Variants in XPC observed in about 807,000 individuals in gnomAD.
XPC encodes the protein DNA repair protein complementing XP-C cells.
In XPC, 76 loss-of-function variants were observed where a neutral mutation model predicts 95.8. That is an observed-to-expected ratio of 0.79 (90% confidence interval 0.66 to 0.96). The LOEUF (loss-of-function observed/expected upper bound fraction) is 0.96, where lower values mean the gene tolerates loss of function less well. Among genes scored for constraint, XPC ranks in the 40% least tolerant of loss-of-function variants. The pLI is 0.00. For synonymous variants in XPC, 442 were observed against 442.1 expected (o/e 1.00, Z 0.00); for missense variants, 1,146 against 1,179.8 (o/e 0.97, Z 0.42).
intron 8 of XPC, 112 bp downstream of exon 8, chr3:14,159,629 A>C (rs1289760301): frequency 2.1e-5 from 23 of 1,115,368 alleles, no homozygotes; most frequent in Admixed American, 1.1e-4. Flanking sequence ...GCTCGAAAGA[A>C]CCCACACTCC....
chr3:14,150,982 C>T (rs1695665587), intron 11 of XPC, among the ~76,000 whole-genome samples: 1 of 152,126 alleles, frequency 6.6e-6, no homozygotes, highest in South Asian at 2.1e-4. Flanking sequence ...CCAAGATGCA[C>T]AGAAAGAGCC....
Position 14,145,291 on chromosome 3 carries a change from T to A in XPC, c.*650A>T. The stretch of plus-strand genomic sequence containing the variant: ...TACTAACATTTCCTTAATTTTCAAT[T>A]CGTATTTTTCCTTTTCTTTCCTGAT... On this transcript the variant is annotated 3_prime_UTR_variant, in exon 16 of 16. Coordinates refer to ENST00000285021, the MANE Select transcript of XPC (RefSeq NM_004628.5). 2 of 697,286 alleles carry A rather than the reference T, an allele frequency of 2.9e-6. No individual in the cohort carries two copies. Among genetic ancestry groups the A allele is most frequent in the Non-Finnish European group, 5.2e-6 (2 of 383,446 alleles). 43.2% of individuals were successfully genotyped at this position (697,286 alleles called of 1,614,324 possible). A position where few individuals can be genotyped will look rare whatever the true frequency, so the allele number is the denominator to read the frequency against.
chr3:14,178,310 G>T, intron 1 of XPC, 156 bp downstream of exon 1: 3 of 809,804 alleles, frequency 3.7e-6, no homozygotes. Flanking sequence ...GGGGACAGCG[G>T]GGAGGGCCGG....
At position 14,172,898 on chromosome 3, in the gene XPC, C is replaced by T. The variant is rs759616600; in HGVS notation, c.268G>A (p.Asp90Asn). Reference protein sequence around the residue: ...VKSENLKVIKDEALSDGDDLR... With the variant: ...VKSENLKVIKNEALSDGDDLR... ...TCATCCCCATCGCTGAGGGCTTCATCCTTTATAACCTTGAGGTTTTCAGAT... is the reference window on the plus strand; with the variant it reads ...TCATCCCCATCGCTGAGGGCTTCATTCTTTATAACCTTGAGGTTTTCAGAT... The change falls in exon 2 of 16, where the codon GAT becomes AAT. Residue 90 changes from aspartate to asparagine, a missense_variant. Physicochemically the swap from Asp to Asn is conservative, Grantham distance 23. Coordinates refer to ENST00000285021, the MANE Select transcript of XPC (RefSeq NM_004628.5). The T allele has an allele frequency of 1.9e-6, 3 of 1,613,870 alleles. No individual in the cohort carries two copies. Among genetic ancestry groups the T allele is most frequent in the Non-Finnish European group, 1.7e-6 (2 of 1,179,870 alleles).
chr3:14,176,340 T>A (rs975869380), intron 1 of XPC, among the ~76,000 whole-genome samples: 2 of 152,186 alleles, frequency 1.3e-5, no homozygotes, highest in African/African-American at 4.8e-5. Flanking sequence ...ATCCTTTAAA[T>A]CACAGATCAA....
intron 10 of XPC, 115 bp downstream of exon 10, chr3:14,156,220 C>T: frequency 7.4e-7 from 1 of 1,347,848 alleles, no homozygotes; most frequent in Non-Finnish European, 1.0e-6. Context: ...ACTGGCTCAG[C>T]CCGAGAATGC....
At chr3:14,151,668 C>T (rs2607737) in intron 11 of XPC, 74,576 of 151,962 alleles carry the variant, frequency 0.49, 18,518 homozygotes, top group African/African-American at 0.54. Flanking sequence ...TGTACACTTC[C>T]GGTCGTACGG....
intron 1 of XPC, among the ~76,000 whole-genome samples, chr3:14,175,454 T>C (rs1696775419): frequency 6.6e-6 from 1 of 152,188 alleles, no homozygotes; most frequent in Non-Finnish European, 1.5e-5. Context: ...CGTTTTTTTT[T>C]AACTTGTTAT....
At chr3:14,164,550 A>G in intron 7 of XPC, 1 of 335,450 alleles carries the variant, frequency 3.0e-6, no homozygotes, top group Non-Finnish European at 5.4e-6. Flanking sequence ...GCTTTTTGGT[A>G]CACCACAACT....
chr3:14,171,250 GAAT>G (rs1381029270), intron 2 of XPC, among the ~76,000 whole-genome samples: 1 of 152,164 alleles, frequency 6.6e-6, no homozygotes, highest in African/African-American at 2.4e-5. Flanking sequence ...TACCAAGTGA[GAAT>G]ATTATCTAGG....
chr3:14,147,984 A>T lies in XPC; in HGVS notation c.2438T>A (p.Val813Asp). ...GAGCACGTCTTTGAATTCCTCGCAG[A>T]CGATGTATCCATCAGTCCTGTGGGG... ...YSHPVTDGYI[V>D]CEEFKDVLLT... Residue 813 changes from valine (V) to aspartate (D), a missense_variant, in exon 14 of 16, where the codon GTC becomes GAC. Physicochemically the swap from Val to Asp is radical, Grantham distance 152 (BLOSUM62 -3). Coordinates refer to ENST00000285021, the MANE Select transcript of XPC (RefSeq NM_004628.5). 1.3e-6 allele frequency: 2 copies of T among 1,591,024 alleles called. No homozygotes were observed. Among genetic ancestry groups the T allele is most frequent in the East Asian group, 4.5e-5 (2 of 44,146 alleles).
chr3:14,166,193 A>G (rs1696371066), intron 5 of XPC, among the ~76,000 whole-genome samples: 1 of 151,886 alleles, frequency 6.6e-6, no homozygotes, highest in South Asian at 2.1e-4. Flanking sequence ...TCCCTTCAAC[A>G]TTGGCTTCCT....
At chr3:14,167,538 G>C (rs1167767781) in intron 4 of XPC, among the ~76,000 whole-genome samples, 1 of 152,120 alleles carries the variant, frequency 6.6e-6, no homozygotes, top group African/African-American at 2.4e-5. Flanking sequence ...ACTTCTTCCA[G>C]GAAGTCTTCT....
chr3:14,175,526 T>G (rs114733184), intron 1 of XPC, among the ~76,000 whole-genome samples: 3,454 of 152,198 alleles, frequency 0.023, 124 homozygotes, highest in African/African-American at 0.078. Flanking sequence ...ATCTGTCTTG[T>G]TCAATATTAT....
chr3:14,170,590 G>C lies in XPC; in HGVS notation c.300-40C>G, dbSNP rs748489697. 4.4e-5 allele frequency: 66 copies of C among 1,488,114 alleles called. No homozygotes were observed. The African/African-American group carries it at 8.4e-4, about 19-fold the overall frequency. The allele number at this position is 1,488,114 out of a possible 1,614,324, so 92.2% of individuals were successfully genotyped here. ...CAGGAAGGAAGATGAAGAAGACTCA[G>C]ACATCCTAGTGTTCCATTCAAGCTA... is the stretch of plus-strand genomic sequence containing the variant. On this transcript the variant is annotated intron_variant, in intron 2 of 15. Transcript: ENST00000285021.
At chr3:14,162,308 C>G (rs530081217) in intron 7 of XPC, among the ~76,000 whole-genome samples, 2 of 152,276 alleles carry the variant, frequency 1.3e-5, no homozygotes, top group South Asian at 2.1e-4. Flanking sequence ...TATGGAATTG[C>G]AAGAGGCCCC....
At chr3:14,174,296 C>T (rs772776407) in intron 1 of XPC, among the ~76,000 whole-genome samples, 3 of 149,230 alleles carry the variant, frequency 2.0e-5, no homozygotes, top group Non-Finnish European at 4.5e-5. Context: ...TTGCCTACTC[C>T]AAGGCCAGAG....
In XPC at chr3:14,170,310, C is replaced by T. The variant is rs1046625626; in HGVS notation, c.412+128G>A. On this transcript the variant is annotated intron_variant, in intron 3 of 15. Coordinates refer to ENST00000285021, the MANE Select transcript of XPC (RefSeq NM_004628.5). ...ATATCAAAGCAAGTCCCTAGTACAA[C>T]CTTATCTGTGGTCTAATTAGCTCAA... 4.0e-5 allele frequency: 34 copies of T among 856,990 alleles called. No homozygotes were observed. In the South Asian group the frequency reaches 5.5e-4, roughly 14 times the overall value. 53.1% of individuals were successfully genotyped at this position (856,990 alleles called of 1,614,324 possible).
Position 14,178,498 on chromosome 3 carries a change from T to A in XPC, c.71A>T (p.Lys24Met), listed in dbSNP as rs1696936510. Residue 24 changes from lysine (K) to methionine (M), a missense_variant, in exon 1 of 16, where the codon AAG becomes ATG. Lys to Met is a moderately conservative substitution (Grantham distance 95). Transcript: ENST00000285021. ...RELRSQKSKA[K>M]SKARREEEEE... ...CTCCTCCTCACGCCGGGCCTTGCTCTTGGCCTTGGATTTCTGGCTGCGCAG... is the reference window on the plus strand; with the variant it reads ...CTCCTCCTCACGCCGGGCCTTGCTCATGGCCTTGGATTTCTGGCTGCGCAG... 6.2e-7 allele frequency: 1 copy of A among 1,612,444 alleles called. No homozygotes were observed. Among genetic ancestry groups the A allele is most frequent in the South Asian group, 1.1e-5 (1 of 91,054 alleles).
Sources: gnomAD v4.1 joint callset for allele counts (sites outside exome capture counted in the v4.1 genomes callset) on GRCh38, gnomAD v4.1.1 for gene constraint, MANE v1.5 for transcripts, NCBI Gene and HGNC (gene_info 2026-07-23, HGNC 2026-07-21) for gene names.